The following MGAT4C variants were observed in gnomAD, a reference collection of about 807,000 sequenced individuals.
MGAT4C encodes MGAT4 family member C, also known as alpha-1,3-mannosyl-glycoprotein 4-beta-N-acetylglucosaminyltransferase C.
In MGAT4C, 19 loss-of-function variants were observed where a neutral mutation model predicts 40.1. That is an observed-to-expected ratio of 0.47 (90% CI 0.33 to 0.70). MGAT4C has a LOEUF of 0.70. MGAT4C is among the 30% of genes least tolerant of loss of function. The pLI is 0.02. For missense variants in MGAT4C, 491 were observed against 563.2 expected (o/e 0.87, Z 1.30); for synonymous variants, 181 against 187.1 (o/e 0.97, Z 0.27).
intron 1 of MGAT4C, among the ~76,000 whole-genome samples, chr12:86,736,313 C>G (rs1278385988): frequency 6.6e-6 from 1 of 151,714 alleles, no homozygotes; most frequent in Non-Finnish European, 1.5e-5. Context: ...CAGCTCAATC[C>G]CTCTTAGAAC....
intron 4 of MGAT4C, among the ~76,000 whole-genome samples, chr12:86,328,174 T>C (rs1351920389): frequency 6.6e-6 from 1 of 152,174 alleles, no homozygotes; most frequent in Admixed American, 6.5e-5. Context: ...GTACCATTAG[T>C]AACATTAATA....
At position 85,963,171 on chromosome 12, in the gene MGAT4C, A is replaced by C. The variant is rs117931468; in HGVS notation, c.*16118T>G. On this transcript the variant is annotated 3_prime_UTR_variant, in exon 5 of 5. Transcript: ENST00000611864. ...CTTGGGTGCTTTAAATGTTTTTTGG[A>C]GGCTATTACAAAATCACATCCTAAA... 6.6e-6 allele frequency: 1 copy of C among 151,948 alleles called. No homozygotes were observed. Among genetic ancestry groups the C allele is most frequent in the Non-Finnish European group, 1.5e-5 (1 of 67,854 alleles). The allele number at this position is 151,948 out of a possible 1,614,324, so 9.4% of individuals were successfully genotyped here. A position where few individuals can be genotyped will look rare whatever the true frequency, so the allele number is the denominator to read the frequency against.
intron 2 of MGAT4C, among the ~76,000 whole-genome samples, chr12:86,545,854 A>G (rs904823571): frequency 1.1e-4 from 17 of 151,990 alleles, no homozygotes; most frequent in Non-Finnish European, 2.2e-4. Context: ...TAGTAAGAAT[A>G]CTGTCATAGA....
At chr12:86,029,234 A>C (rs562606678) in intron 2 of MGAT4C, among the ~76,000 whole-genome samples, 24 of 151,888 alleles carry the variant, frequency 1.6e-4, no homozygotes, top group Non-Finnish European at 3.2e-4. Flanking sequence ...TATCAGATCA[A>C]AAAAGACAGA....
intron 3 of MGAT4C, among the ~76,000 whole-genome samples, chr12:86,393,634 A>G (rs1474447210): frequency 6.6e-6 from 1 of 152,198 alleles, no homozygotes; most frequent in Admixed American, 6.5e-5. Flanking sequence ...GGCAAATCCC[A>G]TCTGTTCCCT....
intron 2 of MGAT4C, among the ~76,000 whole-genome samples, chr12:86,584,919 G>A (rs1345399502): frequency 4.0e-5 from 6 of 151,044 alleles, no homozygotes; most frequent in Admixed American, 1.3e-4. Context: ...ATGTTTTTAT[G>A]TAAAGCAGCA....
At chr12:86,612,021 G>A (rs780632335) in intron 2 of MGAT4C, among the ~76,000 whole-genome samples, 6 of 152,082 alleles carry the variant, frequency 3.9e-5, no homozygotes, top group Non-Finnish European at 7.4e-5. Context: ...TCACAACTTG[G>A]AGGATCTCTA....
chr12:86,161,245 T>C (rs1489739419), intron 1 of MGAT4C, among the ~76,000 whole-genome samples: 3 of 152,126 alleles, frequency 2.0e-5, no homozygotes, highest in Non-Finnish European at 4.4e-5. Flanking sequence ...TCACAGTACT[T>C]GACTTCAAAC....
chr12:86,049,105 A>T (rs1383621684), intron 2 of MGAT4C, among the ~76,000 whole-genome samples: 1 of 152,114 alleles, frequency 6.6e-6, no homozygotes, highest in Non-Finnish European at 1.5e-5. Context: ...AAAAGTAGTA[A>T]ATGTGTGAGT....
At chr12:86,000,530 A>C (rs1218192103) in intron 2 of MGAT4C, among the ~76,000 whole-genome samples, 1 of 152,162 alleles carries the variant, frequency 6.6e-6, no homozygotes, top group Non-Finnish European at 1.5e-5. Flanking sequence ...CAGTTAAAAC[A>C]TCCCTCTCAA....
At chr12:86,221,670 C>T (rs1950880457) in intron 1 of MGAT4C, among the ~76,000 whole-genome samples, 1 of 152,184 alleles carries the variant, frequency 6.6e-6, no homozygotes, top group Admixed American at 6.5e-5. Context: ...CAAGCTTCAG[C>T]CAATTACAGG....
At chr12:86,775,372 C>T (rs907545583) in intron 1 of MGAT4C, among the ~76,000 whole-genome samples, 3 of 151,076 alleles carry the variant, frequency 2.0e-5, no homozygotes, top group African/African-American at 7.3e-5. Flanking sequence ...ATGTATTATA[C>T]AAGCAATGCA....
At chr12:86,804,009 A>AC (rs1218019162) in intron 1 of MGAT4C, among the ~76,000 whole-genome samples, 13 of 129,666 alleles carry the variant, frequency 1.0e-4, no homozygotes, top group African/African-American at 1.5e-4. Flanking sequence ...AAGACTTGGA[A>AC]CCAACCCAAA....
intron 1 of MGAT4C, among the ~76,000 whole-genome samples, chr12:86,798,852 C>G (rs1309550528): frequency 6.6e-6 from 1 of 151,680 alleles, no homozygotes; most frequent in Non-Finnish European, 1.5e-5. Context: ...TTGTAAAAAT[C>G]AAGGTAAATA....
At chr12:86,197,520 C>T in intron 1 of MGAT4C, among the ~76,000 whole-genome samples, 1 of 152,114 alleles carries the variant, frequency 6.6e-6, no homozygotes, top group East Asian at 1.9e-4. Flanking sequence ...CCTCTTTCTG[C>T]CATGTGAAGG....
chr12:86,579,073 T>C (rs1405859950), intron 2 of MGAT4C, among the ~76,000 whole-genome samples: 1 of 151,750 alleles, frequency 6.6e-6, no homozygotes. Context: ...GAAGTGTGTT[T>C]CTTGTAGGCT....
At chr12:86,673,265 T>C (rs1353345211) in intron 2 of MGAT4C, among the ~76,000 whole-genome samples, 4 of 152,196 alleles carry the variant, frequency 2.6e-5, no homozygotes, top group Non-Finnish European at 5.9e-5. Context: ...TATTCATCTT[T>C]AAAATGGAGA....
chr12:86,541,637 A>G (rs537965812), intron 2 of MGAT4C, among the ~76,000 whole-genome samples: 2 of 152,356 alleles, frequency 1.3e-5, no homozygotes, highest in South Asian at 4.1e-4. Context: ...AAGTTATACA[A>G]GTAGATAATT....
intron 2 of MGAT4C, among the ~76,000 whole-genome samples, chr12:86,436,603 T>C (rs907472881): frequency 6.6e-6 from 1 of 151,786 alleles, no homozygotes; most frequent in African/African-American, 2.4e-5. Context: ...TATATCATGA[T>C]ATAACTAAGA....
Sources: allele counts gnomAD v4.1 joint callset (sites outside exome capture counted in the v4.1 genomes callset), GRCh38; gene constraint gnomAD v4.1.1; transcripts MANE v1.5; gene names NCBI Gene and HGNC (gene_info 2026-07-23, HGNC 2026-07-21).